Variants in ZDHHC11B observed in about 807,000 individuals in gnomAD.
ZDHHC11B encodes the protein probable palmitoyltransferase ZDHHC11B.
Under a neutral mutation model 42.3 loss-of-function variants are expected in ZDHHC11B, and 17 were observed. That is an observed-to-expected ratio of 0.40 (90% CI 0.27 to 0.60). The LOEUF (loss-of-function observed/expected upper bound fraction) is 0.60, where lower values mean the gene tolerates loss of function less well. Ranked by LOEUF, ZDHHC11B falls within the 20% of genes least tolerant of loss-of-function variation. The pLI is 0.41. For missense variants in ZDHHC11B, 262 were observed against 463.2 expected, an observed-to-expected ratio of 0.57 and a Z score of 3.99; for synonymous variants, 123 against 193.5, an observed-to-expected ratio of 0.64 and a Z score of 3.02.
intron 1 of ZDHHC11B, among the ~76,000 whole-genome samples, chr5:777,938 G>T (rs1007451617): frequency 5.3e-5 from 8 of 151,792 alleles, no homozygotes; most frequent in Admixed American, 6.6e-5. Flanking sequence ...GCCTCGGCAT[G>T]GCGGTCGGCG....
chr5:745,570 A>G (rs1375038946), intron 8 of ZDHHC11B, among the ~76,000 whole-genome samples: 1 of 149,962 alleles, frequency 6.7e-6, no homozygotes, highest in Non-Finnish European at 1.5e-5. Context: ...CCAAGGCCTC[A>G]TTGAGCTGCA....
At chr5:766,673 G>C (rs779180606) in intron 4 of ZDHHC11B, 25 bp downstream of exon 4, 3 of 1,588,890 alleles carry the variant, frequency 1.9e-6, no homozygotes, top group South Asian at 1.1e-5. Context: ...CTCCCGCTTA[G>C]ACCATGCCAC....
chr5:758,841 G>A (rs1734201507), intron 4 of ZDHHC11B, among the ~76,000 whole-genome samples: 1 of 151,902 alleles, frequency 6.6e-6, no homozygotes, highest in Non-Finnish European at 1.5e-5. Context: ...CTGCGGGTGG[G>A]CTTGGGTCGT....
intron 11 of ZDHHC11B, among the ~76,000 whole-genome samples, chr5:733,355 G>C (rs1191874958): frequency 6.6e-6 from 1 of 151,818 alleles, no homozygotes. Flanking sequence ...TCCTTCCTGA[G>C]CATTTTATTT....
chr5:769,980 C>T (rs1196630710), intron 1 of ZDHHC11B, among the ~76,000 whole-genome samples: 14 of 151,902 alleles, frequency 9.2e-5, no homozygotes, highest in Admixed American at 3.9e-4. Context: ...GCGAGACGGC[C>T]GTCCACACCA....
chr5:741,703 C>A (rs550322694), intron 9 of ZDHHC11B, 75 bp from the exon 10 acceptor site: 1 of 1,552,016 alleles, frequency 6.4e-7, no homozygotes, highest in Non-Finnish European at 8.8e-7. Flanking sequence ...ATAAAAGTCA[C>A]GTCTATTATT....
rs140988921 is a variant in ZDHHC11B at position 757,151 on chromosome 5, C to A, written c.223-1007G>T. Among the ~76,000 whole-genome samples, 620 of 151,792 alleles carry A rather than the reference C, an allele frequency of 4.1e-3. 17 individuals carry two copies. Among genetic ancestry groups the A allele is most frequent in the African/African-American group, 0.015 (599 of 41,296 alleles). Reference sequence around the variant, plus strand: ...GAAGGGGTGGAGTGCGGGGCCCTCCCGTCACCCTGCCTGGCTCCTGGACCG... The same window carrying A: ...GAAGGGGTGGAGTGCGGGGCCCTCCAGTCACCCTGCCTGGCTCCTGGACCG... On this transcript the variant is annotated intron_variant, in intron 4 of 13. Coordinates refer to ENST00000508859, the MANE Select transcript of ZDHHC11B (RefSeq NM_001351303.2).
intron 6 of ZDHHC11B, among the ~76,000 whole-genome samples, chr5:753,635 TG>T: frequency 6.8e-6 from 1 of 147,992 alleles, no homozygotes; most frequent in Non-Finnish European, 1.5e-5. Context: ...GGCCCCACCT[TG>T]GCCATCGTGG....
intron 1 of ZDHHC11B, among the ~76,000 whole-genome samples, chr5:777,649 T>C (rs1736636808): frequency 6.6e-6 from 1 of 151,958 alleles, no homozygotes; most frequent in Admixed American, 6.6e-5. Flanking sequence ...TGGTCCGTTT[T>C]ACAGAGCGTT....
At chr5:778,936 T>A (rs1343271114) in intron 1 of ZDHHC11B, among the ~76,000 whole-genome samples, 3 of 151,834 alleles carry the variant, frequency 2.0e-5, no homozygotes, top group Admixed American at 1.3e-4. Flanking sequence ...AATGACCGAG[T>A]GCCTTATCAA....
intron 12 of ZDHHC11B, among the ~76,000 whole-genome samples, chr5:729,312 T>C (rs1742830133): frequency 6.6e-6 from 1 of 151,166 alleles, no homozygotes. Context: ...CTGAGCAGCA[T>C]GACCTACTGG....
chr5:738,975 C>A (rs1258761678), intron 10 of ZDHHC11B, among the ~76,000 whole-genome samples: 1 of 150,778 alleles, frequency 6.6e-6, no homozygotes, highest in Non-Finnish European at 1.5e-5. Context: ...GTACCTTCTG[C>A]ACAGGAAAAG....
intron 4 of ZDHHC11B, 150 bp downstream of exon 4, chr5:766,548 G>A: frequency 3.3e-6 from 3 of 916,574 alleles, no homozygotes; most frequent in Non-Finnish European, 5.0e-6. Context: ...ATGGCCACTG[G>A]GCCCACCTGC....
intron 12 of ZDHHC11B, among the ~76,000 whole-genome samples, chr5:721,145 A>G (rs2914248): frequency 0.48 from 71,240 of 146,978 alleles, 13,342 homozygotes; most frequent in African/African-American, 0.55. Flanking sequence ...GGTGTTATAC[A>G]TTTAAGACAT....
chr5:758,682 C>T (rs1250203798), intron 4 of ZDHHC11B, among the ~76,000 whole-genome samples: 3 of 151,724 alleles, frequency 2.0e-5, no homozygotes, highest in Non-Finnish European at 4.4e-5. Flanking sequence ...GGACTCCCCC[C>T]CACCAAGATT....
chr5:736,454 T>A (rs546066815), intron 10 of ZDHHC11B, among the ~76,000 whole-genome samples: 43 of 149,606 alleles, frequency 2.9e-4, no homozygotes, highest in African/African-American at 1.0e-3. Flanking sequence ...TTAAACTATA[T>A]CCTAGAACAA....
chr5:766,079 G>A (rs1294857823), intron 4 of ZDHHC11B, among the ~76,000 whole-genome samples: 4 of 151,900 alleles, frequency 2.6e-5, no homozygotes, highest in Admixed American at 2.6e-4. Context: ...TTTCTCAACT[G>A]AATGCCATGG....
At chr5:777,886 C>T (rs1736665351) in intron 1 of ZDHHC11B, among the ~76,000 whole-genome samples, 2 of 151,554 alleles carry the variant, frequency 1.3e-5, no homozygotes, top group South Asian at 2.1e-4. Flanking sequence ...TTCCGGGAGG[C>T]CCCAGCACCG....
At chr5:747,295 A>T (rs1443258494) in intron 8 of ZDHHC11B, 2 of 117,346 alleles carry the variant, frequency 1.7e-5, no homozygotes, top group African/African-American at 3.0e-5. Context: ...CTAAGCACCT[A>T]TTCTATACAG....
Sources: allele counts gnomAD v4.1 joint callset (sites outside exome capture counted in the v4.1 genomes callset), GRCh38; gene constraint gnomAD v4.1.1; transcripts MANE v1.5; gene names NCBI Gene and HGNC (gene_info 2026-07-23, HGNC 2026-07-21).